KDM2A: variants seen among roughly 807,000 people sequenced by gnomAD.
KDM2A encodes the protein lysine demethylase 2A.
Under a neutral mutation model 137.3 loss-of-function variants are expected in KDM2A, and 3 were observed. The ratio of observed to expected loss-of-function variants is 0.02; its 90% CI spans 0.01 to 0.06. The LOEUF (loss-of-function observed/expected upper bound fraction) is 0.06. Among genes scored for constraint, KDM2A ranks in the 10% least tolerant of loss-of-function variants. The probability of loss-of-function intolerance (pLI) is 1.00; values close to 1 mark genes in which losing one functional copy is unlikely to be tolerated. For missense variants in KDM2A, 738 were observed against 1,510.6 expected, an observed-to-expected ratio of 0.49 and a Z score of 8.48; for synonymous variants, 512 against 541.5, an observed-to-expected ratio of 0.95 and a Z score of 0.76.
In KDM2A at chr11:67,219,384, A is replaced by T; in HGVS notation, c.938A>T (p.Asn313Ile). ...ATCCCTATGCAGTTAAAAATATACA[A>T]CATTGAAGATCGGACACGGGTAAGT... ...FNIPMQLKIY[N>I]IEDRTRVPNK... The change falls in exon 10 of 21, where the codon AAC becomes ATC. Residue 313 changes from asparagine (N) to isoleucine (I), a missense_variant. Around this residue, in one of 9 missense-constraint regions of KDM2A, gnomAD observed 43 missense variants for 254.6 expected, o/e 0.17. Coordinates refer to ENST00000529006, the MANE Select transcript of KDM2A (RefSeq NM_012308.3). 1 of 1,603,252 alleles carries T rather than the reference A, an allele frequency of 6.2e-7. No individual in the cohort carries two copies. Among genetic ancestry groups the T allele is most frequent in the Non-Finnish European group, 8.5e-7 (1 of 1,174,228 alleles).
chr11:67,185,296 T>G (rs1857177675), intron 5 of KDM2A, among the ~76,000 whole-genome samples: 1 of 152,094 alleles, frequency 6.6e-6, no homozygotes, highest in South Asian at 2.1e-4. Context: ...AGGAACAGAA[T>G]GACAAAAATT....
rs202236882 is a variant in KDM2A at position 67,150,578 on chromosome 11, TTAAA to T, written c.42+29224_42+29227del. On this transcript the variant is annotated intron_variant, in intron 2 of 20. Transcript: ENST00000529006. ...TGTTAGTTCTCTGGAAACCACTTGTTTAAATAAGGGAATATCAAGAGGAAAGGGC... is the reference window on the plus strand; with the variant it reads ...TGTTAGTTCTCTGGAAACCACTTGTTTAAGGGAATATCAAGAGGAAAGGGC... Among the ~76,000 whole-genome samples the T allele has an allele frequency of 1.1e-4, 17 of 152,258 alleles. No individual in the cohort carries two copies. In the East Asian group the frequency reaches 3.1e-3, roughly 28 times the overall value.
Position 67,206,926 on chromosome 11 carries a change from G to GA in KDM2A, c.308-580dup, listed in dbSNP as rs1286696582. 5.9e-5 allele frequency among the ~76,000 whole-genome samples: 9 copies of GA among 152,272 alleles called. No homozygotes were observed. The East Asian group carries it at 1.5e-3, about 26-fold the overall frequency. ...TTCTATAAATATTTGTGGAATAAATGAAAAGGGGACTTTGTTCTTCATGAA... is the reference window on the plus strand; with the variant it reads ...TTCTATAAATATTTGTGGAATAAATGAAAAAGGGGACTTTGTTCTTCATGAA... On this transcript the variant is annotated intron_variant, in intron 5 of 20. Transcript: ENST00000529006.
rs1296564163 is a variant in KDM2A at position 67,231,623 on chromosome 11, A to G, written c.1142A>G (p.Glu381Gly). Residue 381 changes from glutamate (E) to glycine (G), a missense_variant, in exon 12 of 21, where the codon GAA (glutamate) becomes GGA (glycine). Physicochemically the swap from Glu to Gly is moderately conservative, Grantham distance 98. Coordinates refer to ENST00000529006, the MANE Select transcript of KDM2A (RefSeq NM_012308.3). Reference protein sequence around the residue: ...GNGDEEAVDREPRRLSSRRSV... With the variant: ...GNGDEEAVDRGPRRLSSRRSV... ...GGGGATGAGGAAGCAGTGGATCGAG[A>G]ACCCCGACGCTTGAGCAGCAGGCGT... is the stretch of plus-strand genomic sequence containing the variant. The G allele has an allele frequency of 6.2e-7, 1 of 1,612,350 alleles. No individual in the cohort carries two copies. The highest frequency in any genetic ancestry group is 8.5e-7 in the Non-Finnish European group (1 of 1,179,162).
At chr11:67,216,615 G>A (rs1858167505) in intron 8 of KDM2A, among the ~76,000 whole-genome samples, 1 of 152,236 alleles carries the variant, frequency 6.6e-6, no homozygotes, top group African/African-American at 2.4e-5. Flanking sequence ...AATAGATAAT[G>A]CCTTGTTTAA....
At chr11:67,244,196 G>A (rs1009272499) in intron 13 of KDM2A, among the ~76,000 whole-genome samples, 11 of 152,220 alleles carry the variant, frequency 7.2e-5, no homozygotes, top group African/African-American at 2.7e-4. Context: ...TGGTTGTTGA[G>A]TATTTTGTGT....
At chr11:67,196,698 A>G (rs1041654749) in intron 5 of KDM2A, 16 of 318,806 alleles carry the variant, frequency 5.0e-5, no homozygotes, top group South Asian at 2.2e-4. Context: ...ACAAAATAGA[A>G]TAGTGGTTAC....
intron 12 of KDM2A, 127 bp from the exon 13 acceptor site, chr11:67,242,882 C>T (rs1462032840): frequency 4.6e-6 from 3 of 653,546 alleles, no homozygotes; most frequent in Non-Finnish European, 8.4e-6. Flanking sequence ...AGGGCAAATA[C>T]AGACAGTTGC....
At chr11:67,163,653 C>G (rs901714464) in intron 2 of KDM2A, among the ~76,000 whole-genome samples, 1 of 152,010 alleles carries the variant, frequency 6.6e-6, no homozygotes, top group Non-Finnish European at 1.5e-5. Context: ...GTCAAGAGAT[C>G]GAGATCATCC....
At chr11:67,184,716 A>G (rs1020455649) in intron 5 of KDM2A, among the ~76,000 whole-genome samples, 17 of 152,246 alleles carry the variant, frequency 1.1e-4, no homozygotes, top group African/African-American at 4.1e-4. Context: ...ATTAAAGACT[A>G]GCACATTCAG....
intron 2 of KDM2A, among the ~76,000 whole-genome samples, chr11:67,121,738 A>G (rs1855602068): frequency 6.6e-6 from 1 of 152,220 alleles, no homozygotes; most frequent in African/African-American, 2.4e-5. Flanking sequence ...AGGATAGTTC[A>G]ATACGTTTTT....
intron 8 of KDM2A, 117 bp from the exon 9 acceptor site, chr11:67,217,614 A>G (rs1480198915): frequency 2.4e-4 from 238 of 977,142 alleles, no homozygotes; most frequent in East Asian, 2.6e-5. Flanking sequence ...ATAGGCTGGG[A>G]AAATTGCTTG....
At chr11:67,213,713 C>T (rs1240216410) in intron 6 of KDM2A, among the ~76,000 whole-genome samples, 2 of 146,832 alleles carry the variant, frequency 1.4e-5, no homozygotes, top group Middle Eastern at 3.3e-3. Context: ...GAGCTGAGAT[C>T]GCACCACAAC....
chr11:67,234,583 C>T (rs530962239), intron 12 of KDM2A, among the ~76,000 whole-genome samples: 1 of 152,338 alleles, frequency 6.6e-6, no homozygotes, highest in African/African-American at 2.4e-5. Flanking sequence ...AAAGTACTGA[C>T]TTGGGCTGAG....
chr11:67,152,091 G>A (rs1258710129), intron 2 of KDM2A, among the ~76,000 whole-genome samples: 1 of 152,134 alleles, frequency 6.6e-6, no homozygotes, highest in Non-Finnish European at 1.5e-5. Context: ...GAGGCAGGCA[G>A]ATCACTTGAG....
intron 5 of KDM2A, among the ~76,000 whole-genome samples, chr11:67,183,147 A>G (rs1032848738): frequency 6.6e-6 from 1 of 152,220 alleles, no homozygotes. Context: ...GCCTGTTGCC[A>G]TGTATTCCTT....
At chr11:67,155,119 G>A (rs968849320) in intron 2 of KDM2A, among the ~76,000 whole-genome samples, 9 of 151,968 alleles carry the variant, frequency 5.9e-5, no homozygotes, top group African/African-American at 2.2e-4. Context: ...GGCTCATGCA[G>A]TTCTCATGCC....
chr11:67,144,171 C>A (rs567223580), intron 2 of KDM2A, among the ~76,000 whole-genome samples: 51 of 151,758 alleles, frequency 3.4e-4, no homozygotes, highest in African/African-American at 1.1e-3. Flanking sequence ...TCTCAAACTC[C>A]TGATGTCACG....
intron 2 of KDM2A, among the ~76,000 whole-genome samples, chr11:67,177,495 C>G (rs1748021650): frequency 6.6e-6 from 1 of 151,756 alleles, no homozygotes; most frequent in Admixed American, 6.6e-5. Context: ...AAAACCAAGA[C>G]ATAAACATAC....
Sources: gnomAD v4.1 joint callset for allele counts (sites outside exome capture counted in the v4.1 genomes callset) on GRCh38, gnomAD v4.1.1 for gene constraint, gnomAD v4.1.1 regional missense constraint, MANE v1.5 for transcripts, NCBI Gene and HGNC (gene_info 2026-07-23, HGNC 2026-07-21) for gene names.